The following GRHPR variants were observed in gnomAD, a reference collection of about 807,000 sequenced individuals.
GRHPR encodes glyoxylate reductase/hydroxypyruvate reductase.
In GRHPR, 35 loss-of-function variants were observed where a neutral mutation model predicts 36.8. The observed-to-expected ratio is 0.95, with a 90% CI of 0.73 to 1.26. The LOEUF (loss-of-function observed/expected upper bound fraction) is 1.26, where lower values mean the gene tolerates loss of function less well. GRHPR is among the 50% of genes most tolerant of loss of function. The pLI is 0.00. For missense variants in GRHPR, 380 were observed against 435.0 expected (o/e 0.87, Z 1.12); for synonymous variants, 179 against 181.0 (o/e 0.99, Z 0.09).
At position 37,427,940 on chromosome 9, in the gene GRHPR, C is replaced by T. The variant is rs190691069; in HGVS notation, c.405-544C>T. On this transcript the variant is annotated intron_variant, in intron 4 of 8. Coordinates refer to ENST00000318158, the MANE Select transcript of GRHPR (RefSeq NM_012203.2). ...CGTGCAAACGCAGGCTCTCACAGTG[C>T]GTGGCCAGCAGCGTGGGCCCCGGCA... 4.4e-4 allele frequency: 74 copies of T among 168,692 alleles called. No homozygotes were observed. In the East Asian group the frequency reaches 7.2e-3, roughly 16 times the overall value. 10.4% of individuals were successfully genotyped at this position (168,692 alleles called of 1,614,324 possible).
At chr9:37,432,321 G>A in intron 8 of GRHPR, 183 bp downstream of exon 8, 1 of 628,240 alleles carries the variant, frequency 1.6e-6, no homozygotes, top group South Asian at 1.6e-5. Context: ...CAGTCCTCTT[G>A]CGCATGCTCT....
At chr9:37,431,264 C>T (rs1564301673) in intron 7 of GRHPR, 2 of 340,534 alleles carry the variant, frequency 5.9e-6, no homozygotes, top group Non-Finnish European at 1.2e-5. Context: ...AGGACTCGTC[C>T]ACCCCAAAGG....
At chr9:37,423,147 C>T (rs1445857016) in intron 1 of GRHPR, among the ~76,000 whole-genome samples, 1 of 150,864 alleles carries the variant, frequency 6.6e-6, no homozygotes, top group African/African-American at 2.4e-5. Context: ...GATGACTCTT[C>T]TTCTTTATAT....
At position 37,422,709 on chromosome 9, in the gene GRHPR, A is replaced by T. The variant is rs1221971768; in HGVS notation, c.-42A>T. The T allele has an allele frequency of 6.9e-6, 10 of 1,457,046 alleles. No individual in the cohort carries two copies. Among genetic ancestry groups the T allele is most frequent in the Non-Finnish European group, 8.5e-6 (9 of 1,060,680 alleles). 90.3% of individuals were successfully genotyped at this position (1,457,046 alleles called of 1,614,324 possible). A position where few individuals can be genotyped will look rare whatever the true frequency, so the allele number is the denominator to read the frequency against. On this transcript the variant is annotated 5_prime_UTR_variant, in exon 1 of 9. Coordinates refer to ENST00000318158, the MANE Select transcript of GRHPR (RefSeq NM_012203.2). ...CCCGGCCCAGCTACATTCCCGGGCC[A>T]GCTTCTGTACTGCCAGGTCCGGGTC...
At chr9:37,430,235 C>T (rs1823295519) in intron 6 of GRHPR, 4 of 570,822 alleles carry the variant, frequency 7.0e-6, no homozygotes, top group Admixed American at 2.9e-5. Context: ...CTGGCGGGTC[C>T]ACAGCCTGGT....
Position 37,435,205 on chromosome 9 carries a change from T to C in GRHPR, c.866-1456T>C, listed in dbSNP as rs140172456. Among the ~76,000 whole-genome samples the C allele has an allele frequency of 3.0e-3, 463 of 152,312 alleles. 2 individuals are homozygous for C. Among genetic ancestry groups the C allele is most frequent in the African/African-American group, 0.011 (442 of 41,562 alleles). On this transcript the variant is annotated intron_variant, in intron 8 of 8. Coordinates refer to ENST00000318158, the MANE Select transcript of GRHPR (RefSeq NM_012203.2). Reference sequence around the variant, plus strand: ...GGTTGAGGCTGTAGTAAGCTGACTATGCCATGGCACTCCAGCCTGGGCAAC... The same window carrying C: ...GGTTGAGGCTGTAGTAAGCTGACTACGCCATGGCACTCCAGCCTGGGCAAC...
downstream of GRHPR, chr9:37,439,064 G>A (rs1823798317): frequency 6.6e-6 from 1 of 152,238 alleles, no homozygotes; most frequent in Non-Finnish European, 1.5e-5. Flanking sequence ...GGTTTGGTAT[G>A]TCTAAGAAAG....
At chr9:37,429,451 G>T in intron 5 of GRHPR, 1 of 485,130 alleles carries the variant, frequency 2.1e-6, no homozygotes, top group South Asian at 2.0e-5. Flanking sequence ...AACCTGAGTG[G>T]CTTTCCAGAT....
intron 8 of GRHPR, chr9:37,434,364 A>T: frequency 2.1e-6 from 1 of 485,476 alleles, no homozygotes; most frequent in South Asian, 5.3e-5. Flanking sequence ...CCCTGTGGGG[A>T]ACAATTCAAG....
chr9:37,436,756 C>T lies in GRHPR; in HGVS notation c.961C>T (p.Pro321Ser), dbSNP rs1395771265. Residue 321 changes from proline (P) to serine (S), a missense_variant, in exon 9 of 9, where the codon CCG (proline) becomes TCG (serine). By Grantham distance (74) the Pro-to-Ser change is moderately conservative. Coordinates refer to ENST00000318158, the MANE Select transcript of GRHPR (RefSeq NM_012203.2). ...CTTGCTGGCTGGCCTGAGAGGGGAG[C>T]CGATGCCTAGTGAACTCAAGCTGTA... ...NNLLAGLRGE[P>S]MPSELKL 1 of 1,613,992 alleles carries T rather than the reference C, an allele frequency of 6.2e-7. No individual in the cohort carries two copies. The highest frequency in any genetic ancestry group is 2.2e-5 in the East Asian group (1 of 44,874).
chr9:37,432,091 C>G lies in GRHPR; in HGVS notation c.818C>G (p.Pro273Arg). Residue 273 changes from proline to arginine, a missense_variant, in exon 8 of 9, where the codon CCA becomes CGA. By Grantham distance (103) the Pro-to-Arg change is moderately radical (BLOSUM62 -2). Coordinates refer to ENST00000318158, the MANE Select transcript of GRHPR (RefSeq NM_012203.2). ...GCTGCTGGACTGGATGTGACGAGCC[C>G]AGAACCACTGCCTACAAACCACCCT... ...IAAAGLDVTSPEPLPTNHPLL... is the reference protein window; with the variant it reads ...IAAAGLDVTSREPLPTNHPLL... 1 of 1,614,074 alleles carries G rather than the reference C, an allele frequency of 6.2e-7. No homozygotes were observed. Among genetic ancestry groups the G allele is most frequent in the Non-Finnish European group, 8.5e-7 (1 of 1,179,932 alleles).
chr9:37,435,730 A>C (rs1364014803), intron 8 of GRHPR, among the ~76,000 whole-genome samples: 2 of 152,218 alleles, frequency 1.3e-5, no homozygotes, highest in Non-Finnish European at 2.9e-5. Context: ...CAATAATGAT[A>C]AAATTTAAAG....
At chr9:37,427,829 C>T (rs1204246257) in intron 4 of GRHPR, 1 of 152,326 alleles carries the variant, frequency 6.6e-6, no homozygotes, top group African/African-American at 2.5e-5. Context: ...CACAGCAAGA[C>T]CCTGTCTCCA....
intron 5 of GRHPR, chr9:37,429,183 T>C (rs966005076): frequency 3.9e-5 from 10 of 253,756 alleles, no homozygotes; most frequent in African/African-American, 2.2e-4. Flanking sequence ...TGCCTCTCAC[T>C]AGAGAGTTGC....
chr9:37,428,669 T>C (rs1204175800), intron 5 of GRHPR, 97 bp downstream of exon 5: 1 of 815,724 alleles, frequency 1.2e-6, no homozygotes, highest in Admixed American at 1.7e-5. Flanking sequence ...ACCCACATGC[T>C]GTCAGGGCAC....
chr9:37,429,163 C>T (rs1277828425), intron 5 of GRHPR: 5 of 249,702 alleles, frequency 2.0e-5, no homozygotes, highest in African/African-American at 6.7e-5. Flanking sequence ...GTCTAGCCAA[C>T]GAACAGCCCT....
At chr9:37,422,523 C>A (rs13299681), upstream of GRHPR, 11 of 553,006 alleles carry the variant, frequency 2.0e-5, 1 homozygote, top group African/African-American at 5.8e-5. Context: ...GCGCACCCCC[C>A]CACACACACA....
intron 8 of GRHPR, chr9:37,432,843 T>C (rs1389062584): frequency 6.5e-6 from 1 of 154,224 alleles, no homozygotes; most frequent in African/African-American, 2.4e-5. Context: ...TTTCAAGCTG[T>C]TGTTTCACAA....
chr9:37,436,981 T>G lies in GRHPR; in HGVS notation c.*199T>G. 1 of 575,632 alleles carries G rather than the reference T, an allele frequency of 1.7e-6. No individual in the cohort carries two copies. Among genetic ancestry groups the G allele is most frequent in the Non-Finnish European group, 3.1e-6 (1 of 321,026 alleles). 35.7% of individuals were successfully genotyped at this position (575,632 alleles called of 1,614,324 possible). A position where few individuals can be genotyped will look rare whatever the true frequency, so the allele number is the denominator to read the frequency against. ...GTATGGTAATTCTATTATTAAATAATTCTCTGAGAGACCGTCTTGGCCTGT... is the reference window on the plus strand; with the variant it reads ...GTATGGTAATTCTATTATTAAATAAGTCTCTGAGAGACCGTCTTGGCCTGT... On this transcript the variant is annotated 3_prime_UTR_variant, in exon 9 of 9. Transcript: ENST00000318158.
Sources: gnomAD v4.1 joint callset for allele counts (sites outside exome capture counted in the v4.1 genomes callset) on GRCh38, gnomAD v4.1.1 for gene constraint, MANE v1.5 for transcripts, NCBI Gene and HGNC (gene_info 2026-07-23, HGNC 2026-07-21) for gene names.